The following TM6SF2 variants were observed in gnomAD, a reference collection of about 807,000 sequenced individuals.
TM6SF2 encodes transmembrane 6 superfamily member 2.
TM6SF2 carries 29 observed loss-of-function variants against 41.0 expected under a neutral mutation model. That is an observed-to-expected ratio of 0.71 (90% CI 0.53 to 0.96). TM6SF2 has a LOEUF of 0.96. Among genes scored for constraint, TM6SF2 ranks in the 50% least tolerant of loss-of-function variants. The probability of loss-of-function intolerance (pLI) is 0.00; values close to 1 mark genes in which losing one functional copy is unlikely to be tolerated. For synonymous variants in TM6SF2, 200 were observed against 209.1 expected (o/e 0.96, Z 0.37); for missense variants, 475 against 499.0 (o/e 0.95, Z 0.46).
At chr19:19,269,834 G>T in intron 4 of TM6SF2, 65 bp from the exon 5 acceptor site, 1 of 1,610,276 alleles carries the variant, frequency 6.2e-7, no homozygotes, top group African/African-American at 1.3e-5. Context: ...CCCAGCCAGG[G>T]CCTGGAGACC....
Position 19,268,075 on chromosome 19 carries a change from G to A in TM6SF2, c.622C>T (p.Gln208Ter). The A allele has an allele frequency of 1.2e-6, 2 of 1,613,784 alleles. No homozygotes were observed. ...RCTANMVQEEQRKGLLQRPAD... is the reference protein window; with the variant it reads ...RCTANMVQEE ...GGACGCTGCAGGAGTCCCTTTCTTT[G>A]TTCCTCTTGCACCTGGCCCAGGGGA... The change falls in exon 7 of 10, where the codon CAA becomes TAA. Residue 208 changes from glutamine (Q) to a stop codon, truncating the protein, a stop_gained. Transcript: ENST00000389363. LOFTEE classifies it high-confidence loss of function.
intron 4 of TM6SF2, 113 bp downstream of exon 4, chr19:19,270,059 AG>A: frequency 6.5e-7 from 1 of 1,549,720 alleles, no homozygotes; most frequent in Non-Finnish European, 8.7e-7. Flanking sequence ...AGCCCTAGAG[AG>A]GCGTCCTGAT....
intron 9 of TM6SF2, among the ~76,000 whole-genome samples, 165 bp from the exon 10 acceptor site, chr19:19,265,038 G>GTTTTTT (rs550015865): frequency 8.3e-6 from 1 of 121,050 alleles, no homozygotes; most frequent in African/African-American, 3.3e-5. Context: ...CCATCTATCT[G>GTTTTTT]TTTTTTTTTT....
rs1259739412 is a variant in TM6SF2, at chr19:19,273,137, C to A, written c.79G>T (p.Val27Phe). Residue 27 changes from valine to phenylalanine, a missense_variant, in exon 1 of 10, where the codon GTC becomes TTC. Around this residue, in one of 3 missense-constraint regions of TM6SF2, gnomAD observed 238 missense variants for 228.6 expected, o/e 1.04. Transcript: ENST00000389363. ...CGCACGCACTGCGAGAGCGCCGAGACGTGGTTGAGCGCGTAGGACACCGGG... is the reference window on the plus strand; with the variant it reads ...CGCACGCACTGCGAGAGCGCCGAGAAGTGGTTGAGCGCGTAGGACACCGGG... Reference protein sequence around the residue: ...ALPVSYALNHVSALSHPLWVA... With the variant: ...ALPVSYALNHFSALSHPLWVA... 4.0e-6 allele frequency: 6 copies of A among 1,490,566 alleles called. No individual in the cohort carries two copies. The highest frequency in any genetic ancestry group is 2.9e-5 in the East Asian group (1 of 33,934). The allele number at this position is 1,490,566 out of a possible 1,614,324, so 92.3% of individuals were successfully genotyped here. A position where few individuals can be genotyped will look rare whatever the true frequency, so the allele number is the denominator to read the frequency against.
chr19:19,268,806 ATC>A, intron 5 of TM6SF2, 52 bp from the exon 6 acceptor site: 7 of 1,530,180 alleles, frequency 4.6e-6, no homozygotes, highest in Non-Finnish European at 5.2e-6. Context: ...CCTGCTGGAC[ATC>A]TGTTTGTTTG....
intron 1 of TM6SF2, 61 bp downstream of exon 1, chr19:19,273,060 C>CAA: frequency 2.7e-5 from 13 of 472,820 alleles, no homozygotes; most frequent in East Asian, 8.1e-5. Context: ...ACCTCCAGTC[C>CAA]TCCCCGCCCC....
chr19:19,267,813 C>T, intron 7 of TM6SF2, 100 bp from the exon 8 acceptor site: 2 of 1,257,288 alleles, frequency 1.6e-6, no homozygotes, highest in East Asian at 2.5e-5. Flanking sequence ...CCTCTCCCAG[C>T]CCAGCTCAAG....
At chr19:19,267,590 G>A in intron 8 of TM6SF2, 31 bp downstream of exon 8, 1 of 1,566,084 alleles carries the variant, frequency 6.4e-7, no homozygotes, top group South Asian at 1.1e-5. Flanking sequence ...CCCATGGCAG[G>A]GGTGTGGTCT....
At chr19:19,265,915 A>C (rs58409825) in intron 9 of TM6SF2, among the ~76,000 whole-genome samples, 4,589 of 152,030 alleles carry the variant, frequency 0.03, 246 homozygotes, top group African/African-American at 0.11. Context: ...GTGGATTCTA[A>C]ATGTTTTCCT....
chr19:19,271,164 G>A lies in TM6SF2; in HGVS notation c.96-39C>T, dbSNP rs144821371. 5,918 of 1,530,088 alleles carry A rather than the reference G, an allele frequency of 3.9e-3. 24 individuals are homozygous for A. The highest frequency in any genetic ancestry group is 0.019 in the Middle Eastern group (111 of 5,818). 94.8% of individuals were successfully genotyped at this position (1,530,088 alleles called of 1,614,324 possible). ...AGCCAAGTCAGGGAGGCCAGGCCCA[G>A]TGCTGAGGCATCGCCCCACTCTCCC... On this transcript the variant is annotated intron_variant, in intron 1 of 9. Transcript: ENST00000389363.
chr19:19,267,803 C>T, intron 7 of TM6SF2, 90 bp from the exon 8 acceptor site: 1 of 1,296,720 alleles, frequency 7.7e-7, no homozygotes, highest in Non-Finnish European at 1.1e-6. Context: ...CTTGCTCTGG[C>T]CTCTCCCAGC....
intron 7 of TM6SF2, 91 bp downstream of exon 7, chr19:19,267,895 A>G: frequency 8.7e-7 from 1 of 1,155,702 alleles, no homozygotes; most frequent in Non-Finnish European, 1.3e-6. Flanking sequence ...ACTTCCTTGG[A>G]TGATCAAACA....
chr19:19,268,153 A>C, intron 6 of TM6SF2, 66 bp from the exon 7 acceptor site: 1 of 1,112,160 alleles, frequency 9.0e-7, no homozygotes, highest in East Asian at 2.5e-5. Context: ...GTAGGTACTC[A>C]ATAAAGGTTC....
Position 19,264,563 on chromosome 19 carries a change from G to A in TM6SF2, c.*101C>T, listed in dbSNP as rs72999053. On this transcript the variant is annotated 3_prime_UTR_variant, in exon 10 of 10. Coordinates refer to ENST00000389363, the MANE Select transcript of TM6SF2 (RefSeq NM_001001524.3). ...ACCATAGCCAAGACTAAAGACACCC[G>A]GAGATGTCCCTCCTGTCTCTAAAAC... 160,470 of 1,041,772 alleles carry A rather than the reference G, an allele frequency of 0.15. 13,271 individuals are homozygous for A. Among genetic ancestry groups the A allele is most frequent in the Middle Eastern group, 0.24 (899 of 3,742 alleles). 64.5% of individuals were successfully genotyped at this position (1,041,772 alleles called of 1,614,324 possible). A position where few individuals can be genotyped will look rare whatever the true frequency, so the allele number is the denominator to read the frequency against.
chr19:19,270,967 G>C lies in TM6SF2; in HGVS notation c.199+55C>G. 3 of 1,468,050 alleles carry C rather than the reference G, an allele frequency of 2.0e-6. No individual in the cohort carries two copies. The East Asian group carries it at 6.8e-5, about 33-fold the overall frequency. The allele number at this position is 1,468,050 out of a possible 1,614,324, so 90.9% of individuals were successfully genotyped here. A position where few individuals can be genotyped will look rare whatever the true frequency, so the allele number is the denominator to read the frequency against. Reference sequence around the variant, plus strand: ...GCCCCTTAATGGCCCCCAAGTCTGAGGGTGGAGGCCCTTGCCTGGACAGTC... The same window carrying C: ...GCCCCTTAATGGCCCCCAAGTCTGACGGTGGAGGCCCTTGCCTGGACAGTC... On this transcript the variant is annotated intron_variant, in intron 2 of 9. Transcript: ENST00000389363.
intron 8 of TM6SF2, 24 bp downstream of exon 8, chr19:19,267,597 G>A (rs1381488284): frequency 6.3e-7 from 1 of 1,592,816 alleles, no homozygotes; most frequent in Non-Finnish European, 8.6e-7. Flanking sequence ...CAGGGGTGTG[G>A]TCTTCTCCCC....
rs571990786 is a variant in TM6SF2 at position 19,266,663 on chromosome 19, G to C, written c.805-54C>G. ...GCCTGTGAGATGAGCAGCTACCCCA[G>C]GTGGGTCTCCTGAGACCCCTGAGGT... is the stretch of plus-strand genomic sequence containing the variant. On this transcript the variant is annotated intron_variant, in intron 8 of 9. Transcript: ENST00000389363. The C allele has an allele frequency of 6.4e-6, 10 of 1,562,800 alleles. No individual in the cohort carries two copies. In the East Asian group the frequency reaches 2.2e-4, roughly 34 times the overall value.
chr19:19,268,710 G>A lies in TM6SF2; in HGVS notation c.529C>T (p.Pro177Ser). ...GCCCAGCATGGCACCAGCAGGTAGGGGATGGTGAGGAAGAAGGCAGGCCTG... is the reference window on the plus strand; with the variant it reads ...GCCCAGCATGGCACCAGCAGGTAGGAGATGGTGAGGAAGAAGGCAGGCCTG... ...EIRPAFFLTIPYLLVPCWAGM... is the reference protein window; with the variant it reads ...EIRPAFFLTISYLLVPCWAGM... The change falls in exon 6 of 10, where the codon CCC (proline) becomes TCC (serine). Residue 177 changes from proline to serine, a missense_variant. Physicochemically the swap from Pro to Ser is moderately conservative, Grantham distance 74. This residue lies in a region of TM6SF2 where 47 missense variants were observed against 80.3 expected (regional missense o/e 0.59). Transcript: ENST00000389363. 1 of 1,602,918 alleles carries A rather than the reference G, an allele frequency of 6.2e-7. No homozygotes were observed.
At chr19:19,265,050 T>G (rs941746676) in intron 9 of TM6SF2, among the ~76,000 whole-genome samples, 177 bp from the exon 10 acceptor site, 3 of 149,190 alleles carry the variant, frequency 2.0e-5, no homozygotes, top group Admixed American at 6.6e-5. Flanking sequence ...TTTTTTTTTT[T>G]TTTTTTTTTG....
Sources: gnomAD v4.1 joint callset for allele counts (sites outside exome capture counted in the v4.1 genomes callset) on GRCh38, gnomAD v4.1.1 for gene constraint, gnomAD v4.1.1 regional missense constraint, MANE v1.5 for transcripts, NCBI Gene and HGNC (gene_info 2026-07-23, HGNC 2026-07-21) for gene names.